The following UMAD1 variants were observed in gnomAD, a reference collection of about 807,000 sequenced individuals.
UMAD1 encodes UBAP1-MVB12-associated (UMA)-domain containing protein 1.
In UMAD1, 8 loss-of-function variants were observed where a neutral mutation model predicts 6.1. The observed-to-expected ratio is 1.30, with a 90% CI of 0.76 to 2.35. The LOEUF is 2.35. Among genes scored for constraint, UMAD1 ranks in the 30% most tolerant of loss-of-function variants. UMAD1 has a pLI of 0.00. For missense variants in UMAD1, 130 were observed against 78.4 expected, an observed-to-expected ratio of 1.66 and a Z score of -2.49; for synonymous variants, 56 against 31.4, an observed-to-expected ratio of 1.78 and a Z score of -2.61.
chr7:7,675,510 T>C lies in UMAD1; in HGVS notation c.82+2057T>C, dbSNP rs1779716952. 2.6e-5 allele frequency among the ~76,000 whole-genome samples: 4 copies of C among 152,208 alleles called. No homozygotes were observed. The South Asian group carries it at 8.3e-4, about 31-fold the overall frequency. On this transcript the variant is annotated intron_variant, in intron 2 of 3. Transcript: ENST00000682710. ...TTCTGCCTCCGAGTATTATCTACTATGGATCTCCTTTCCCTTTCCAGGAAA... is the reference window on the plus strand; with the variant it reads ...TTCTGCCTCCGAGTATTATCTACTACGGATCTCCTTTCCCTTTCCAGGAAA...
chr7:7,789,848 C>T (rs940198931), intron 2 of UMAD1, among the ~76,000 whole-genome samples: 6 of 152,280 alleles, frequency 3.9e-5, no homozygotes, highest in African/African-American at 1.4e-4. Context: ...ATTCATTCAT[C>T]TGTCAGTGAA....
In UMAD1 at chr7:7,718,202, A is replaced by C. The variant is rs1278297465; in HGVS notation, c.82+44749A>C. On this transcript the variant is annotated intron_variant, in intron 2 of 3. Transcript: ENST00000682710. Reference sequence around the variant, plus strand: ...GAGTGATTTTTCCAAATAATGTGTCAGCTGTAACTTGAATGTGTTATTTTT... The same window carrying C: ...GAGTGATTTTTCCAAATAATGTGTCCGCTGTAACTTGAATGTGTTATTTTT... 3.3e-5 allele frequency among the ~76,000 whole-genome samples: 5 copies of C among 152,200 alleles called. No individual in the cohort carries two copies. In the South Asian group the frequency reaches 8.3e-4, roughly 25 times the overall value.
At chr7:7,857,022 A>G (rs897608720) in intron 3 of UMAD1, among the ~76,000 whole-genome samples, 2 of 152,234 alleles carry the variant, frequency 1.3e-5, no homozygotes, top group East Asian at 1.9e-4. Context: ...ATAATTTTTC[A>G]AGCAACCACC....
At chr7:7,782,924 G>A (rs1052821796) in intron 2 of UMAD1, among the ~76,000 whole-genome samples, 37 of 152,182 alleles carry the variant, frequency 2.4e-4, no homozygotes, top group Admixed American at 2.0e-3. Context: ...ATACAGACAG[G>A]GTTTTGCCAT....
chr7:7,709,740 C>A (rs1422622052), intron 2 of UMAD1, among the ~76,000 whole-genome samples: 1 of 151,674 alleles, frequency 6.6e-6, no homozygotes, highest in Non-Finnish European at 1.5e-5. Context: ...ATTCTTAGCT[C>A]TTGCTTATGC....
chr7:7,848,368 T>C (rs1310386428), intron 3 of UMAD1, among the ~76,000 whole-genome samples: 4 of 152,142 alleles, frequency 2.6e-5, no homozygotes, highest in Non-Finnish European at 4.4e-5. Flanking sequence ...AATTGGTAAT[T>C]GGGCTGAAGT....
At chr7:7,705,750 A>T (rs1780583010) in intron 2 of UMAD1, among the ~76,000 whole-genome samples, 1 of 152,168 alleles carries the variant, frequency 6.6e-6, no homozygotes, top group Non-Finnish European at 1.5e-5. Flanking sequence ...AAACTCATAG[A>T]ATATAAAATA....
At chr7:7,819,810 G>A (rs1445029904) in intron 3 of UMAD1, among the ~76,000 whole-genome samples, 3 of 152,032 alleles carry the variant, frequency 2.0e-5, no homozygotes, top group Non-Finnish European at 2.9e-5. Context: ...CTTCTCATCC[G>A]GGTACACTGT....
At chr7:7,792,083 T>C (rs1283293947) in intron 2 of UMAD1, among the ~76,000 whole-genome samples, 2 of 152,260 alleles carry the variant, frequency 1.3e-5, no homozygotes, top group Admixed American at 6.5e-5. Context: ...CAGATGTTTA[T>C]TGAGCATTCA....
chr7:7,834,741 T>C (rs1393191321), intron 3 of UMAD1, among the ~76,000 whole-genome samples: 12 of 152,120 alleles, frequency 7.9e-5, no homozygotes, highest in Admixed American at 6.5e-4. Flanking sequence ...TCAAATACCA[T>C]CACATCGGCA....
chr7:7,842,576 A>G (rs1262580782), intron 3 of UMAD1, among the ~76,000 whole-genome samples: 1 of 152,002 alleles, frequency 6.6e-6, no homozygotes, highest in East Asian at 1.9e-4. Flanking sequence ...CCCTGATGGT[A>G]TTGAGTAAAA....
intron 2 of UMAD1, among the ~76,000 whole-genome samples, chr7:7,792,089 A>G (rs866582990): frequency 6.6e-6 from 1 of 152,224 alleles, no homozygotes; most frequent in African/African-American, 2.4e-5. Context: ...TTTATTGAGC[A>G]TTCACTTTGC....
chr7:7,854,684 C>T (rs1003273318), intron 3 of UMAD1, among the ~76,000 whole-genome samples: 7 of 152,134 alleles, frequency 4.6e-5, no homozygotes, highest in Admixed American at 4.6e-4. Context: ...ACCATACCAT[C>T]CCACCCCTGG....
intron 2 of UMAD1, among the ~76,000 whole-genome samples, chr7:7,776,258 C>T (rs192921824): frequency 3.9e-5 from 6 of 152,134 alleles, no homozygotes; most frequent in East Asian, 1.9e-4. Context: ...CCCAGGAATT[C>T]GAAAGCAGCT....
At chr7:7,814,109 A>G (rs1206040883) in intron 3 of UMAD1, among the ~76,000 whole-genome samples, 2 of 151,736 alleles carry the variant, frequency 1.3e-5, no homozygotes, top group African/African-American at 2.4e-5. Flanking sequence ...TCAGCCTCCC[A>G]AGTAGCTGGG....
chr7:7,650,945 G>A (rs1223841567), intron 1 of UMAD1, among the ~76,000 whole-genome samples: 2 of 152,120 alleles, frequency 1.3e-5, no homozygotes, highest in Admixed American at 1.3e-4. Context: ...AGTCAGATTT[G>A]TTGTACTCAG....
intron 1 of UMAD1, among the ~76,000 whole-genome samples, chr7:7,645,975 C>G (rs898505269): frequency 6.6e-6 from 1 of 152,154 alleles, no homozygotes; most frequent in African/African-American, 2.4e-5. Context: ...GTTTGCTCGG[C>G]TGCCGTGTAC....
chr7:7,760,330 C>G (rs1429819211), intron 2 of UMAD1, among the ~76,000 whole-genome samples: 1 of 151,722 alleles, frequency 6.6e-6, no homozygotes, highest in African/African-American at 2.4e-5. Flanking sequence ...TTTTGACTCA[C>G]AGAGCTGTGA....
intron 3 of UMAD1, among the ~76,000 whole-genome samples, chr7:7,869,093 G>C (rs143654990): frequency 5.1e-4 from 78 of 152,306 alleles, no homozygotes; most frequent in African/African-American, 1.8e-3. Context: ...TTAATAGCTA[G>C]ACAGACATTT....
Sources: allele counts gnomAD v4.1 joint callset (sites outside exome capture counted in the v4.1 genomes callset), GRCh38; gene constraint gnomAD v4.1.1; transcripts MANE v1.5; gene names NCBI Gene and HGNC (gene_info 2026-07-23, HGNC 2026-07-21).